GSK3B: variants seen among roughly 807,000 people sequenced by gnomAD.
GSK3B encodes glycogen synthase kinase-3 beta.
GSK3B carries 15 observed loss-of-function variants against 56.4 expected under a neutral mutation model. That is an observed-to-expected ratio of 0.27 (90% CI 0.18 to 0.41). The LOEUF is 0.41. GSK3B is among the 10% of genes least tolerant of loss of function. The probability of loss-of-function intolerance (pLI) is 1.00; values close to 1 mark genes in which losing one functional copy is unlikely to be tolerated. For missense variants in GSK3B, 300 were observed against 513.4 expected (o/e 0.58, Z 4.02); for synonymous variants, 181 against 188.9 (o/e 0.96, Z 0.34).
chr3:119,867,247 C>T (rs553573931), intron 8 of GSK3B, among the ~76,000 whole-genome samples: 6 of 152,270 alleles, frequency 3.9e-5, no homozygotes, highest in Non-Finnish European at 7.4e-5. Context: ...CAGGCCACCG[C>T]GGATTATTCT....
Position 119,948,940 on chromosome 3 carries a change from A to C in GSK3B, c.283-1589T>G, listed in dbSNP as rs186215543. ...TGGTCTCGAACTCCTGACCTCAGAC[A>C]ATCCACCTGCCTCAGCCTCCCAAAG... On this transcript the variant is annotated intron_variant, in intron 2 of 10. Transcript: ENST00000264235. 3.6e-3 allele frequency among the ~76,000 whole-genome samples: 541 copies of C among 152,092 alleles called. 4 individuals carry two copies. The highest frequency in any genetic ancestry group is 0.013 in the African/African-American group (530 of 41,506).
chr3:119,849,150 T>C (rs192387543), intron 9 of GSK3B, among the ~76,000 whole-genome samples: 5 of 152,268 alleles, frequency 3.3e-5, no homozygotes, highest in Admixed American at 3.3e-4. Flanking sequence ...TCTAAAGAAA[T>C]TCAGATTTAC....
At chr3:119,972,727 G>A (rs915604115) in intron 2 of GSK3B, among the ~76,000 whole-genome samples, 2 of 152,008 alleles carry the variant, frequency 1.3e-5, no homozygotes, top group African/African-American at 4.8e-5. Flanking sequence ...GAGCCACCGC[G>A]CCCACCTATT....
At chr3:120,035,316 A>G (rs1230555943) in intron 1 of GSK3B, among the ~76,000 whole-genome samples, 1 of 152,236 alleles carries the variant, frequency 6.6e-6, no homozygotes, top group Non-Finnish European at 1.5e-5. Context: ...ATAATTCCCT[A>G]GAGCAGTCAG....
intron 2 of GSK3B, among the ~76,000 whole-genome samples, chr3:119,983,215 T>C (rs1484918599): frequency 6.6e-6 from 1 of 151,890 alleles, no homozygotes; most frequent in Non-Finnish European, 1.5e-5. Context: ...GAACTAAACA[T>C]GGAAAGGAAC....
At chr3:119,905,336 A>G (rs2056671812) in intron 7 of GSK3B, among the ~76,000 whole-genome samples, 1 of 152,100 alleles carries the variant, frequency 6.6e-6, no homozygotes, top group Non-Finnish European at 1.5e-5. Flanking sequence ...TAAATACTGA[A>G]TAAATATAAA....
chr3:119,895,526 T>C (rs2056553068), intron 7 of GSK3B, among the ~76,000 whole-genome samples: 1 of 152,196 alleles, frequency 6.6e-6, no homozygotes, highest in Non-Finnish European at 1.5e-5. Flanking sequence ...TGTACTAATT[T>C]ACATTCCTAA....
chr3:120,076,856 A>C (rs1292429722), intron 1 of GSK3B, among the ~76,000 whole-genome samples: 1 of 150,756 alleles, frequency 6.6e-6, no homozygotes, highest in African/African-American at 2.4e-5. Flanking sequence ...AAGGAGGTGA[A>C]TAGACATTTC....
chr3:120,070,566 T>C (rs934756271), intron 1 of GSK3B, among the ~76,000 whole-genome samples: 4 of 151,688 alleles, frequency 2.6e-5, no homozygotes, highest in Non-Finnish European at 4.4e-5. Flanking sequence ...AAAAAATGTA[T>C]GGAATACCTA....
chr3:120,084,407 A>G lies in GSK3B; in HGVS notation c.88+8940T>C, dbSNP rs1043896808. ...AACTACTAGAGGAAACAGCTGTCATAGCCAATGTTGCTTCTAAGAAGTAGG... is the reference window on the plus strand; with the variant it reads ...AACTACTAGAGGAAACAGCTGTCATGGCCAATGTTGCTTCTAAGAAGTAGG... On this transcript the variant is annotated intron_variant, in intron 1 of 10. Coordinates refer to ENST00000264235, the MANE Select transcript of GSK3B (RefSeq NM_001146156.2). Among the ~76,000 whole-genome samples the G allele has an allele frequency of 2.8e-4, 42 of 152,328 alleles. 1 individual carries two copies. The highest frequency in any genetic ancestry group is 2.7e-3 in the Admixed American group (42 of 15,304).
At chr3:119,967,458 A>C (rs565911240) in intron 2 of GSK3B, among the ~76,000 whole-genome samples, 1 of 152,336 alleles carries the variant, frequency 6.6e-6, no homozygotes, top group African/African-American at 2.4e-5. Context: ...AGATAGTCAA[A>C]ATAATCTTGT....
intron 8 of GSK3B, among the ~76,000 whole-genome samples, chr3:119,866,842 AT>A (rs1342255252): frequency 6.6e-6 from 1 of 152,134 alleles, no homozygotes; most frequent in Non-Finnish European, 1.5e-5. Flanking sequence ...ATGCAAAAAA[AT>A]TTTTTTTGAT....
intron 2 of GSK3B, among the ~76,000 whole-genome samples, chr3:119,962,575 A>C (rs1293867475): frequency 6.6e-6 from 1 of 151,568 alleles, no homozygotes; most frequent in Non-Finnish European, 1.5e-5. Context: ...AAGGCATCTA[A>C]ATTGGAAAAA....
intron 1 of GSK3B, among the ~76,000 whole-genome samples, chr3:120,072,312 C>A (rs1481624057): frequency 6.6e-6 from 1 of 152,126 alleles, no homozygotes; most frequent in Admixed American, 6.6e-5. Flanking sequence ...AATCCCAGCA[C>A]CTTGGGAGGC....
At chr3:119,950,624 G>A (rs1330065951) in intron 2 of GSK3B, among the ~76,000 whole-genome samples, 2 of 152,110 alleles carry the variant, frequency 1.3e-5, no homozygotes, top group African/African-American at 4.8e-5. Context: ...GGGTTAGAAA[G>A]TTTGAGGAGA....
chr3:120,075,081 G>A (rs2058357564), intron 1 of GSK3B, among the ~76,000 whole-genome samples: 1 of 152,098 alleles, frequency 6.6e-6, no homozygotes, highest in African/African-American at 2.4e-5. Flanking sequence ...TCCAAAGCTG[G>A]TTTAACATAC....
chr3:119,981,688 G>A (rs557584910), intron 2 of GSK3B, among the ~76,000 whole-genome samples: 5 of 152,380 alleles, frequency 3.3e-5, no homozygotes, highest in Admixed American at 6.5e-5. Flanking sequence ...AAAAGTGGCC[G>A]GGAAGCTCGA....
chr3:120,009,835 T>C (rs72969149), intron 1 of GSK3B, among the ~76,000 whole-genome samples: 1,845 of 151,880 alleles, frequency 0.012, 32 homozygotes, highest in African/African-American at 0.042. Context: ...ACTTAAAGTA[T>C]AATAATAATT....
intron 1 of GSK3B, among the ~76,000 whole-genome samples, chr3:120,015,304 A>G (rs541859413): frequency 1.2e-4 from 19 of 152,156 alleles, no homozygotes; most frequent in Non-Finnish European, 2.2e-4. Context: ...TACTTATCAC[A>G]ATGCCCTATA....
Sources: allele counts gnomAD v4.1 joint callset (sites outside exome capture counted in the v4.1 genomes callset), GRCh38; gene constraint gnomAD v4.1.1; transcripts MANE v1.5; gene names NCBI Gene and HGNC (gene_info 2026-07-23, HGNC 2026-07-21).